The following PLEC variants were observed in gnomAD, a reference collection of about 807,000 sequenced individuals.
PLEC encodes plectin, also known as hemidesmosomal protein 1.
A neutral mutation model predicts 392.8 loss-of-function variants in PLEC; 216 were observed. The observed-to-expected ratio is 0.55, with a 90% confidence interval of 0.49 to 0.62. PLEC has a LOEUF of 0.62. PLEC is among the 20% of genes least tolerant of loss of function. The probability of loss-of-function intolerance (pLI) is 0.00; values close to 1 mark genes in which losing one functional copy is unlikely to be tolerated. For synonymous variants in PLEC, 3,621 were observed against 2,980.6 expected (o/e 1.21, Z -7.00); for missense variants, 6,863 against 6,563.4 (o/e 1.05, Z -1.58).
chr8:143,950,013 C>T (rs1238216797), intron 1 of PLEC, among the ~76,000 whole-genome samples: 1 of 152,178 alleles, frequency 6.6e-6, no homozygotes, highest in African/African-American at 2.4e-5. Flanking sequence ...ATGGGCCCAT[C>T]AGCAAGCGCA....
At chr8:143,958,713 T>C, upstream of PLEC, 1 of 448,382 alleles carries the variant, frequency 2.2e-6, no homozygotes, top group East Asian at 7.1e-5. The surrounding 1 kb of genome is among the most constrained non-coding windows in gnomAD (Gnocchi z 4.9). Flanking sequence ...TGCAGCAGGG[T>C]GGACCTCGCC....
chr8:143,957,203 G>A (rs370312488), upstream of PLEC, among the ~76,000 whole-genome samples: 9 of 152,286 alleles, frequency 5.9e-5, no homozygotes, highest in East Asian at 1.2e-3. Flanking sequence ...GAAGCTGGGC[G>A]CCCTGGTGAC....
chr8:143,973,643 C>T, upstream of PLEC: 1 of 582,762 alleles, frequency 1.7e-6, no homozygotes, highest in Non-Finnish European at 2.2e-6. This position sits in a 1 kb window ranked among gnomAD's most constrained non-coding sequence, Gnocchi z 5.6. Flanking sequence ...CGCGGCCGGG[C>T]AGAGGGAGCC....
Position 143,923,347 on chromosome 8 carries a change from C to T in PLEC, c.6582G>A (p.Gln2194=), listed in dbSNP as rs1554691975. 4 of 1,610,308 alleles carry T rather than the reference C, an allele frequency of 2.5e-6. No individual in the cohort carries two copies. The highest frequency in any genetic ancestry group is 1.1e-5 in the South Asian group (1 of 90,844). The change falls in exon 31 of 32, where the codon CAG becomes CAA. Residue 2194 remains glutamine, a synonymous_variant. Transcript: ENST00000345136. The part of the protein sequence containing the change: ...VEQELTTLRL[Q]LEETDHQKNL... ...TCTTCTGGTGGTCGGTCTCCTCCAG[C>T]TGCAGCCGCAGTGTTGTCAGCTCCT...
chr8:143,923,438 T>C lies in PLEC; in HGVS notation c.6491A>G (p.Asp2164Gly), dbSNP rs1823651693. The C allele has an allele frequency of 5.6e-6, 9 of 1,609,552 alleles. No homozygotes were observed. The highest frequency in any genetic ancestry group is 1.7e-4 in the Middle Eastern group (1 of 6,050). The change falls in exon 31 of 32, where the codon GAC becomes GGC. Residue 2164 changes from aspartate to glycine, a missense_variant. Coordinates refer to ENST00000345136, the MANE Select transcript of PLEC (RefSeq NM_201384.3). ...TTTCTTATGCTTCTCCATCTCCGCG[T>C]CAGCTGCCTGCTTCTGCCGCAGGGC... is the stretch of plus-strand genomic sequence containing the variant. Reference protein sequence around the residue: ...QAALRQKQAADAEMEKHKKFA... With the variant: ...QAALRQKQAAGAEMEKHKKFA...
At chr8:143,941,020 T>G (rs888654863), upstream of PLEC, among the ~76,000 whole-genome samples, 5 of 152,248 alleles carry the variant, frequency 3.3e-5, no homozygotes, top group African/African-American at 1.2e-4. Flanking sequence ...GACCCCGCAC[T>G]GGTCAGCACC....
upstream of PLEC, chr8:143,975,361 A>G (rs781888619): frequency 2.5e-6 from 4 of 1,608,208 alleles, no homozygotes; most frequent in Non-Finnish European, 2.5e-6. The surrounding 1 kb of genome is among the most constrained non-coding windows in gnomAD (Gnocchi z 9.9). Context: ...CAGCGTCCTC[A>G]CCCGACATGG....
rs1554711474 is a variant in PLEC at position 143,929,645 on chromosome 8, C to T, written c.2923+1G>A. 6.2e-7 allele frequency: 1 copy of T among 1,606,090 alleles called. No individual in the cohort carries two copies. The highest frequency in any genetic ancestry group is 8.5e-7 in the Non-Finnish European group (1 of 1,179,790). ...ACCGCCCCAGCCCTGCCGTGCCCTA[C>T]CCTGTTCCAGGCTCTGCAGCAGCTG... On this transcript the variant is annotated splice_donor_variant, in intron 23 of 31. Coordinates refer to ENST00000345136, the MANE Select transcript of PLEC (RefSeq NM_201384.3). LOFTEE classifies it high-confidence loss of function.
Position 143,921,883 on chromosome 8 carries a change from G to A in PLEC, c.7938C>T (p.Phe2646=), listed in dbSNP as rs1453246252. Residue 2646 remains phenylalanine, a synonymous_variant, in exon 32 of 32, where the codon TTC becomes TTT. Coordinates refer to ENST00000345136, the MANE Select transcript of PLEC (RefSeq NM_201384.3). The part of the protein sequence containing the change: ...PAAEAEPEHS[F]DGLRRKVSAQ... ...CTGACACCTTCCGCCGCAGGCCATC[G>A]AAGCTGTGCTCCGGCTCTGCCTCTG... is the stretch of plus-strand genomic sequence containing the variant. The A allele has an allele frequency of 9.4e-6, 15 of 1,601,278 alleles. No individual in the cohort carries two copies. Among genetic ancestry groups the A allele is most frequent in the African/African-American group, 1.3e-5 (1 of 74,924 alleles).
rs372909308 is a variant in PLEC, at chr8:143,946,214, G to A, written c.523+3970C>T. The A allele has an allele frequency of 1.0e-4, 55 of 529,800 alleles. 1 individual carries two copies. The highest frequency in any genetic ancestry group is 4.8e-4 in the Middle Eastern group (1 of 2,082). The allele number at this position is 529,800 out of a possible 1,614,324, so 32.8% of individuals were successfully genotyped here. A position where few individuals can be genotyped will look rare whatever the true frequency, so the allele number is the denominator to read the frequency against. On this transcript the variant is annotated intron_variant, in intron 1 of 31. Transcript: ENST00000322810. ...TCACACACACCCCTGGGGCAGCTCCGAGAGGGGGCTGTGCCTATCCCTGCA... is the reference window on the plus strand; with the variant it reads ...TCACACACACCCCTGGGGCAGCTCCAAGAGGGGGCTGTGCCTATCCCTGCA...
Position 143,923,464 on chromosome 8 carries a change from C to T in PLEC, c.6465G>A (p.Ala2155=), listed in dbSNP as rs376957701. Residue 2155 remains alanine (A), a synonymous_variant, in exon 31 of 32, where the codon GCG becomes GCA. Transcript: ENST00000345136. ...CAGCTGCCTGCTTCTGCCGCAGGGC[C>T]GCCTGCTCCGCCTGTGCCCGCCGCG... ...EAARRAQAEQ[A]ALRQKQAADA... The T allele has an allele frequency of 2.1e-5, 33 of 1,606,442 alleles. No homozygotes were observed. The Admixed American group carries it at 3.3e-4, about 16-fold the overall frequency.
intron 25 of PLEC, 130 bp downstream of exon 25, chr8:143,928,973 C>T (rs558608582): frequency 4.7e-6 from 4 of 848,980 alleles, no homozygotes; most frequent in Non-Finnish European, 3.7e-6. Flanking sequence ...AGCTGGGCCT[C>T]CCGCCTCCTG....
upstream of PLEC, chr8:143,943,637 A>G: frequency 1.3e-6 from 1 of 762,698 alleles, no homozygotes; most frequent in South Asian, 1.6e-5. Flanking sequence ...TCTACACTGC[A>G]GGGTGGGGTG....
At chr8:143,926,653 G>A (rs1825293078) in intron 30 of PLEC, 131 bp downstream of exon 30, 4 of 812,338 alleles carry the variant, frequency 4.9e-6, no homozygotes, top group Non-Finnish European at 8.6e-6. Context: ...GGCAGGGGGT[G>A]CTGGCAGCGC....
chr8:143,917,616 G>A lies in PLEC; in HGVS notation c.12205C>T (p.Arg4069Cys), dbSNP rs782244317. 7.4e-6 allele frequency: 12 copies of A among 1,613,620 alleles called. No homozygotes were observed. Among genetic ancestry groups the A allele is most frequent in the South Asian group, 1.1e-5 (1 of 91,088 alleles). ...TTCATCTCCTCATCGAAGAGGCCGCGCTTGTAGGCCACCTCCACGGGCAGC... is the reference window on the plus strand; with the variant it reads ...TTCATCTCCTCATCGAAGAGGCCGCACTTGTAGGCCACCTCCACGGGCAGC... ...HRLPVEVAYKRGLFDEEMNEI... is the reference protein window; with the variant it reads ...HRLPVEVAYKCGLFDEEMNEI... The change falls in exon 32 of 32, where the codon CGC (arginine) becomes TGC (cysteine). Residue 4069 changes from arginine to cysteine, a missense_variant. Coordinates refer to ENST00000345136, the MANE Select transcript of PLEC (RefSeq NM_201384.3).
chr8:143,932,176 C>A lies in PLEC; in HGVS notation c.2036G>T (p.Gly679Val). The A allele has an allele frequency of 6.2e-7, 1 of 1,612,306 alleles. No individual in the cohort carries two copies. Among genetic ancestry groups the A allele is most frequent in the Non-Finnish European group, 8.5e-7 (1 of 1,179,876 alleles). The part of the protein sequence containing the change: ...EKKIKELQNA[G>V]DRLLREDHPA... ...GTGGTCCTCCCGCAGCAGCCGGTCC[C>A]CAGCATTTTGGAGCTCCTTGATCTT... Residue 679 changes from glycine to valine, a missense_variant, in exon 17 of 32, where the codon GGG becomes GTG. By Grantham distance (109) the Gly-to-Val change is moderately radical (BLOSUM62 -3). Transcript: ENST00000345136.
chr8:143,956,062 T>C (rs1242476744), upstream of PLEC, among the ~76,000 whole-genome samples: 2 of 151,568 alleles, frequency 1.3e-5, no homozygotes, highest in Non-Finnish European at 2.9e-5. Flanking sequence ...GCAATTCTCC[T>C]ATCTCAGCCT....
intron 1 of PLEC, chr8:143,946,464 G>A (rs1038386373): frequency 8.9e-7 from 1 of 1,128,366 alleles, no homozygotes; most frequent in Non-Finnish European, 1.2e-6. Flanking sequence ...GGGAAGGGGT[G>A]GGAGGCAGAG....
chr8:143,943,454 C>T (rs966674984), upstream of PLEC, among the ~76,000 whole-genome samples: 1 of 152,208 alleles, frequency 6.6e-6, no homozygotes, highest in Non-Finnish European at 1.5e-5. Context: ...CAGTGCTGGC[C>T]GGACAGGCAC....
Sources: allele counts gnomAD v4.1 joint callset (sites outside exome capture counted in the v4.1 genomes callset), GRCh38; gene constraint gnomAD v4.1.1; non-coding constraint Gnocchi (gnomAD v3.1); transcripts MANE v1.5; gene names NCBI Gene and HGNC (gene_info 2026-07-23, HGNC 2026-07-21).